IL2RB: variants seen among roughly 807,000 people sequenced by gnomAD.
IL2RB encodes interleukin-2 receptor subunit beta.
Under a neutral mutation model 44.2 loss-of-function variants are expected in IL2RB, and 17 were observed. The ratio of observed to expected loss-of-function variants is 0.38; its 90% confidence interval spans 0.26 to 0.58. IL2RB has a LOEUF of 0.58. IL2RB is among the 20% of genes least tolerant of loss of function. The probability of loss-of-function intolerance (pLI) is 0.63; values close to 1 mark genes in which losing one functional copy is unlikely to be tolerated. For missense variants in IL2RB, 624 were observed against 685.5 expected (o/e 0.91, Z 1.00); for synonymous variants, 286 against 297.9 (o/e 0.96, Z 0.41).
intron 1 of IL2RB, among the ~76,000 whole-genome samples, chr22:37,149,496 C>T (rs548994941): frequency 3.9e-5 from 6 of 152,302 alleles, no homozygotes; most frequent in African/African-American, 1.4e-4. Context: ...CCAGGCTATC[C>T]ACCCATCCCT....
At chr22:37,172,362 C>G (rs1176892643) in intron 1 of IL2RB, among the ~76,000 whole-genome samples, 1 of 152,194 alleles carries the variant, frequency 6.6e-6, no homozygotes, top group African/African-American at 2.4e-5. Context: ...CTAATGCACT[C>G]GGCTCCATCA....
At chr22:37,142,651 G>C in intron 3 of IL2RB, 139 bp from the exon 4 acceptor site, 2 of 777,116 alleles carry the variant, frequency 2.6e-6, no homozygotes, top group East Asian at 5.3e-5. Flanking sequence ...CAACCACTGT[G>C]AGGGGCACTG....
rs1921161147 is a variant in IL2RB at position 37,127,234 on chromosome 22, A to G, written c.*862T>C. 1 of 152,150 alleles carries G rather than the reference A, an allele frequency of 6.6e-6. No homozygotes were observed. Among genetic ancestry groups the G allele is most frequent in the African/African-American group, 2.4e-5 (1 of 41,410 alleles). The allele number at this position is 152,150 out of a possible 1,614,324, so 9.4% of individuals were successfully genotyped here. On this transcript the variant is annotated 3_prime_UTR_variant, in exon 10 of 10. Transcript: ENST00000216223. Reference sequence around the variant, plus strand: ...CCTTACTTGGGCCCCAGCATTAAAGATACAGCAGCCAAGCACTCTGAGGCC... The same window carrying G: ...CCTTACTTGGGCCCCAGCATTAAAGGTACAGCAGCCAAGCACTCTGAGGCC...
chr22:37,130,365 A>T (rs1463916146), intron 9 of IL2RB, among the ~76,000 whole-genome samples: 1 of 152,218 alleles, frequency 6.6e-6, no homozygotes, highest in Non-Finnish European at 1.5e-5. Flanking sequence ...GCCTCTGCCC[A>T]CAATGCCCTG....
At chr22:37,172,105 C>T (rs1456886569) in intron 1 of IL2RB, among the ~76,000 whole-genome samples, 2 of 151,558 alleles carry the variant, frequency 1.3e-5, no homozygotes, top group African/African-American at 2.4e-5. Flanking sequence ...CCTGTTACTG[C>T]TTTAATGCTC....
rs1922005805 is a variant in IL2RB at position 37,142,294 on chromosome 22, A to G, written c.282+140T>C. 4 of 756,484 alleles carry G rather than the reference A, an allele frequency of 5.3e-6. No homozygotes were observed. The South Asian group carries it at 6.7e-5, about 13-fold the overall frequency. 46.9% of individuals were successfully genotyped at this position (756,484 alleles called of 1,614,324 possible). A position where few individuals can be genotyped will look rare whatever the true frequency, so the allele number is the denominator to read the frequency against. On this transcript the variant is annotated intron_variant, in intron 4 of 9. Transcript: ENST00000216223. ...ACCTGTTTTTCTCTGCCTCTTGCTC[A>G]GCGCTGGGCATCCTGCTTAGCCACA...
At position 37,134,371 on chromosome 22, in the gene IL2RB, A is replaced by T. The variant is rs191106884; in HGVS notation, c.818+957T>A. 2.0e-3 allele frequency among the ~76,000 whole-genome samples: 299 copies of T among 152,264 alleles called. 1 individual carries two copies. Among genetic ancestry groups the T allele is most frequent in the African/African-American group, 6.9e-3 (288 of 41,544 alleles). ...TGTAATCTTAGCATTTTGGGAGGCC[A>T]AGGCGAGTGGATCACCTGAGGTCAG... On this transcript the variant is annotated intron_variant, in intron 8 of 9. Coordinates refer to ENST00000216223, the MANE Select transcript of IL2RB (RefSeq NM_000878.5).
chr22:37,153,461 AT>A (rs58592968), upstream of IL2RB, among the ~76,000 whole-genome samples: 6,939 of 152,190 alleles, frequency 0.046, 515 homozygotes, highest in African/African-American at 0.16. Flanking sequence ...GACCTACCAA[AT>A]GAAGGGAGAA....
chr22:37,158,624 A>G (rs1266890604), intron 1 of IL2RB, among the ~76,000 whole-genome samples: 1 of 152,206 alleles, frequency 6.6e-6, no homozygotes, highest in Non-Finnish European at 1.5e-5. Context: ...TACGGAGAAG[A>G]GACAAAAAAC....
chr22:37,140,934 A>T (rs1921936721), intron 4 of IL2RB, among the ~76,000 whole-genome samples: 1 of 152,178 alleles, frequency 6.6e-6, no homozygotes, highest in Admixed American at 6.5e-5. Flanking sequence ...AGAAGGGGAC[A>T]GTGCTGATGT....
At chr22:37,171,712 C>G (rs1384477606) in intron 1 of IL2RB, among the ~76,000 whole-genome samples, 2 of 152,236 alleles carry the variant, frequency 1.3e-5, no homozygotes, top group Non-Finnish European at 2.9e-5. Context: ...TTTGCCTACG[C>G]TAGACTGCAA....
Position 37,125,920 on chromosome 22 carries a change from T to C in IL2RB, c.*2176A>G, listed in dbSNP as rs1921089392. 1 of 152,174 alleles carries C rather than the reference T, an allele frequency of 6.6e-6. No individual in the cohort carries two copies. The highest frequency in any genetic ancestry group is 2.4e-5 in the African/African-American group (1 of 41,440). The allele number at this position is 152,174 out of a possible 1,614,324, so 9.4% of individuals were successfully genotyped here. On this transcript the variant is annotated 3_prime_UTR_variant, in exon 10 of 10. Transcript: ENST00000216223. ...TTTTTCATTTACAGAGTAACAAAGA[T>C]TTTTCTTTAAATAAATGTATTTCAA...
intron 6 of IL2RB, 89 bp downstream of exon 6, chr22:37,137,498 G>A: frequency 3.5e-6 from 5 of 1,411,378 alleles, no homozygotes; most frequent in Non-Finnish European, 4.9e-6. Flanking sequence ...TGGGGCTGAG[G>A]GGACCTCGAC....
chr22:37,138,472 C>A (rs766386759), intron 5 of IL2RB, among the ~76,000 whole-genome samples: 4 of 152,218 alleles, frequency 2.6e-5, no homozygotes, highest in Non-Finnish European at 1.5e-5. Context: ...CTTTCCACCC[C>A]ACTGCTTCCC....
At chr22:37,158,511 T>C (rs1349016502) in intron 1 of IL2RB, among the ~76,000 whole-genome samples, 2 of 151,852 alleles carry the variant, frequency 1.3e-5, no homozygotes, top group Non-Finnish European at 2.9e-5. Context: ...TGAGCCAAGA[T>C]TGCGCAACCG....
chr22:37,139,843 G>A (rs1921880216), intron 4 of IL2RB, among the ~76,000 whole-genome samples: 2 of 152,242 alleles, frequency 1.3e-5, no homozygotes, highest in African/African-American at 4.8e-5. Flanking sequence ...TGGGTGGGAA[G>A]CCTGAGGCTT....
Position 37,136,404 on chromosome 22 carries a change from G to A in IL2RB, c.538-11C>T. 6.2e-7 allele frequency: 1 copy of A among 1,602,808 alleles called. No homozygotes were observed. Among genetic ancestry groups the A allele is most frequent in the Non-Finnish European group, 8.5e-7 (1 of 1,175,454 alleles). On this transcript the variant is annotated splice_polypyrimidine_tract_variant and intron_variant, in intron 6 of 9. Coordinates refer to ENST00000216223, the MANE Select transcript of IL2RB (RefSeq NM_000878.5). ...CAGCAGGGGGGCCTCCTGGGTCGGA[G>A]ACAGGACTGTCAGCGCCCACCTCAC...
At chr22:37,173,698 A>T (rs2145745868) in intron 1 of IL2RB, among the ~76,000 whole-genome samples, 2 of 152,228 alleles carry the variant, frequency 1.3e-5, no homozygotes, top group South Asian at 4.1e-4. Context: ...CTCAGATTTG[A>T]ACCCAGGCAG....
rs775132140 is a variant in IL2RB, at chr22:37,128,434, G to T, written c.1318C>A (p.Pro440Thr). Residue 440 changes from proline to threonine, a missense_variant, in exon 10 of 10, where the codon CCC becomes ACC. This residue lies in a region of IL2RB where 291 missense variants were observed against 275.5 expected (regional missense o/e 1.06). Coordinates refer to ENST00000216223, the MANE Select transcript of IL2RB (RefSeq NM_000878.5). This position sits in a 1 kb window ranked among gnomAD's most constrained non-coding sequence, Gnocchi z 4.5. ...FSPSLLGGPS[P>T]PSTAPGGSGA... is the part of the protein sequence containing the mutation. ...CTGCCCCCAGGGGCAGTGCTTGGGGGGCTGGGGCCACCGAGGAGACTGGGG... is the reference window on the plus strand; with the variant it reads ...CTGCCCCCAGGGGCAGTGCTTGGGGTGCTGGGGCCACCGAGGAGACTGGGG... 2 of 1,539,808 alleles carry T rather than the reference G, an allele frequency of 1.3e-6. No homozygotes were observed. The highest frequency in any genetic ancestry group is 2.3e-5 in the East Asian group (1 of 44,164).
Sources: allele counts gnomAD v4.1 joint callset (sites outside exome capture counted in the v4.1 genomes callset), GRCh38; gene constraint gnomAD v4.1.1; regional missense constraint gnomAD v4.1.1; non-coding constraint Gnocchi (gnomAD v3.1); transcripts MANE v1.5; gene names NCBI Gene and HGNC (gene_info 2026-07-23, HGNC 2026-07-21).